SLC25A13: variants seen among roughly 807,000 people sequenced by gnomAD.
The protein encoded by SLC25A13 is solute carrier family 25 member 13, also known as electrogenic aspartate/glutamate antiporter SLC25A13, mitochondrial.
In SLC25A13, 70 loss-of-function variants were observed where a neutral mutation model predicts 85.5. The observed-to-expected ratio is 0.82, with a 90% confidence interval of 0.68 to 1.00. The LOEUF is 1.00. Ranked by LOEUF, SLC25A13 falls within the 50% of genes least tolerant of loss-of-function variation. SLC25A13 has a pLI of 0.00. For synonymous variants in SLC25A13, 259 were observed against 288.7 expected, an observed-to-expected ratio of 0.90 and a Z score of 1.04; for missense variants, 765 against 819.8, an observed-to-expected ratio of 0.93 and a Z score of 0.82.
intron 3 of SLC25A13, among the ~76,000 whole-genome samples, chr7:96,238,493 A>C (rs934856196): frequency 2.6e-5 from 4 of 152,178 alleles, no homozygotes; most frequent in African/African-American, 9.7e-5. Context: ...CAGATCTGGC[A>C]GTTTTTAAAG....
intron 2 of SLC25A13, among the ~76,000 whole-genome samples, chr7:96,287,554 T>C (rs566357869): frequency 6.6e-6 from 1 of 152,348 alleles, no homozygotes; most frequent in Admixed American, 6.5e-5. Context: ...TCCCCCAGTA[T>C]AGTCCTGCTG....
intron 1 of SLC25A13, among the ~76,000 whole-genome samples, chr7:96,316,445 T>C (rs1393548821): frequency 2.0e-5 from 3 of 152,194 alleles, no homozygotes; most frequent in South Asian, 2.1e-4. Flanking sequence ...TCAGGAAATA[T>C]ACACATCCAT....
intron 4 of SLC25A13, among the ~76,000 whole-genome samples, chr7:96,209,838 G>A (rs778153684): frequency 6.6e-6 from 1 of 152,024 alleles, no homozygotes; most frequent in Non-Finnish European, 1.5e-5. Flanking sequence ...GGAGAATGGA[G>A]GAAATACAAA....
At chr7:96,267,724 G>GA (rs1798089095) in intron 3 of SLC25A13, among the ~76,000 whole-genome samples, 1 of 149,616 alleles carries the variant, frequency 6.7e-6, no homozygotes, top group Non-Finnish European at 1.5e-5. Context: ...TGAAGCAGGA[G>GA]AATTGCTTGA....
At chr7:96,122,720 GAAC>G (rs948188018) in intron 15 of SLC25A13, among the ~76,000 whole-genome samples, 8 of 152,042 alleles carry the variant, frequency 5.3e-5, no homozygotes, top group South Asian at 4.1e-4. Context: ...AATGAAAAAG[GAAC>G]AACAACAACA....
intron 14 of SLC25A13, among the ~76,000 whole-genome samples, chr7:96,136,531 T>A (rs369231165): frequency 6.0e-4 from 92 of 152,280 alleles, no homozygotes; most frequent in African/African-American, 2.1e-3. Context: ...ATTTCCGATG[T>A]CTCTTTTTCT....
chr7:96,132,246 CG>C (rs1307067776), intron 14 of SLC25A13, among the ~76,000 whole-genome samples: 1 of 152,096 alleles, frequency 6.6e-6, no homozygotes, highest in African/African-American at 2.4e-5. Context: ...TCACCAAAGA[CG>C]GGTAACGGCA....
At chr7:96,256,297 C>T (rs1302809991) in intron 3 of SLC25A13, among the ~76,000 whole-genome samples, 3 of 152,072 alleles carry the variant, frequency 2.0e-5, no homozygotes, top group Non-Finnish European at 2.9e-5. Context: ...GAGTCAAGAC[C>T]CGTCGGTGTG....
chr7:96,200,572 T>C (rs1194910854), intron 5 of SLC25A13, among the ~76,000 whole-genome samples: 1 of 148,736 alleles, frequency 6.7e-6, no homozygotes, highest in Admixed American at 6.7e-5. Context: ...ATGCAGTCAG[T>C]GTCAGAGTTG....
chr7:96,217,983 G>C (rs1795963539), intron 4 of SLC25A13, among the ~76,000 whole-genome samples: 1 of 150,250 alleles, frequency 6.7e-6, no homozygotes, highest in African/African-American at 2.5e-5. Flanking sequence ...TACTTACTCT[G>C]ACTCAATTCG....
chr7:96,195,227 TG>T (rs1795015308), intron 5 of SLC25A13, among the ~76,000 whole-genome samples: 1 of 152,158 alleles, frequency 6.6e-6, no homozygotes, highest in Non-Finnish European at 1.5e-5. Context: ...TGCTCAAACC[TG>T]GTCTCTCTTC....
rs1299114568 is a variant in SLC25A13, at chr7:96,121,053, T to C, written c.*138A>G. 1 of 928,466 alleles carries C rather than the reference T, an allele frequency of 1.1e-6. No individual in the cohort carries two copies. Among genetic ancestry groups the C allele is most frequent in the East Asian group, 2.5e-5 (1 of 39,614 alleles). The allele number at this position is 928,466 out of a possible 1,614,324, so 57.5% of individuals were successfully genotyped here. A position where few individuals can be genotyped will look rare whatever the true frequency, so the allele number is the denominator to read the frequency against. On this transcript the variant is annotated 3_prime_UTR_variant, in exon 18 of 18. Transcript: ENST00000265631. ...GAAAACACCCAGAAAATGAATGATT[T>C]CACATGATAAAAAAGCCTGGACTTG...
intron 4 of SLC25A13, among the ~76,000 whole-genome samples, chr7:96,217,917 A>AAACC (rs1554356763): frequency 6.6e-6 from 1 of 151,658 alleles, no homozygotes; most frequent in African/African-American, 2.4e-5. Context: ...AAAAAACAAA[A>AAACC]AACACCTAGA....
chr7:96,200,076 A>ATATATAAT (rs1795196900), intron 5 of SLC25A13, among the ~76,000 whole-genome samples: 1 of 152,144 alleles, frequency 6.6e-6, no homozygotes, highest in Admixed American at 6.5e-5. Flanking sequence ...TTATAAAGCC[A>ATATATAAT]AAAATGCCAA....
At chr7:96,184,873 GAA>G (rs1197396624) in intron 10 of SLC25A13, 52 bp downstream of exon 10, 1 of 1,379,980 alleles carries the variant, frequency 7.2e-7, no homozygotes, top group East Asian at 2.3e-5. Context: ...GAAAATCAGA[GAA>G]AAGAGAATAG....
chr7:96,245,584 T>C (rs539293536), intron 3 of SLC25A13, among the ~76,000 whole-genome samples: 10 of 152,372 alleles, frequency 6.6e-5, no homozygotes, highest in Admixed American at 2.6e-4. Flanking sequence ...GTTCCTATTT[T>C]GTATAATTAC....
chr7:96,284,658 T>C (rs1487112440), intron 2 of SLC25A13, among the ~76,000 whole-genome samples: 2 of 152,186 alleles, frequency 1.3e-5, no homozygotes, highest in Admixed American at 6.5e-5. Context: ...CGGGGCCAGG[T>C]GGAGATAACT....
At chr7:96,150,101 C>T (rs1326526968) in intron 13 of SLC25A13, among the ~76,000 whole-genome samples, 1 of 151,750 alleles carries the variant, frequency 6.6e-6, no homozygotes, top group Admixed American at 6.6e-5. Context: ...GTAACACTGA[C>T]TTTTCTACAT....
At chr7:96,296,407 T>C (rs1308120893) in intron 2 of SLC25A13, among the ~76,000 whole-genome samples, 1 of 152,064 alleles carries the variant, frequency 6.6e-6, no homozygotes, top group African/African-American at 2.4e-5. Context: ...AGCCATGTTG[T>C]CATCACAGTC....
Sources: allele counts gnomAD v4.1 joint callset (sites outside exome capture counted in the v4.1 genomes callset), GRCh38; gene constraint gnomAD v4.1.1; transcripts MANE v1.5; gene names NCBI Gene and HGNC (gene_info 2026-07-23, HGNC 2026-07-21).